Variants in CEP112 observed in about 807,000 individuals in gnomAD.
CEP112 encodes centrosomal protein of 112 kDa.
Under a neutral mutation model 153.0 loss-of-function variants are expected in CEP112, and 127 were observed. The ratio of observed to expected loss-of-function variants is 0.83; its 90% confidence interval spans 0.72 to 0.96. The LOEUF (loss-of-function observed/expected upper bound fraction) is 0.96. Among genes scored for constraint, CEP112 ranks in the 40% least tolerant of loss-of-function variants. CEP112 has a pLI of 0.00. For missense variants in CEP112, 1,089 were observed against 1,101.2 expected (o/e 0.99, Z 0.16); for synonymous variants, 358 against 374.4 (o/e 0.96, Z 0.51).
chr17:65,991,001 C>T (rs952503141), intron 17 of CEP112, among the ~76,000 whole-genome samples: 1 of 152,164 alleles, frequency 6.6e-6, no homozygotes, highest in Admixed American at 6.5e-5. Context: ...CCTGAATAAC[C>T]AACAGCAATA....
intron 16 of CEP112, among the ~76,000 whole-genome samples, chr17:66,019,183 T>C (rs978175380): frequency 6.6e-6 from 1 of 152,208 alleles, no homozygotes; most frequent in Non-Finnish European, 1.5e-5. Context: ...CCTATGCTCC[T>C]GTCCTGCTGC....
chr17:66,189,551 G>A (rs573839358), intron 1 of CEP112, among the ~76,000 whole-genome samples: 1 of 149,974 alleles, frequency 6.7e-6, no homozygotes, highest in African/African-American at 2.4e-5. Context: ...AATTGGAATT[G>A]CTATATTGAC....
intron 24 of CEP112, among the ~76,000 whole-genome samples, chr17:65,682,302 C>G (rs1400872016): frequency 6.6e-6 from 1 of 152,074 alleles, no homozygotes; most frequent in East Asian, 1.9e-4. Flanking sequence ...TGAATTTTTG[C>G]TTTTAAATGC....
intron 18 of CEP112, among the ~76,000 whole-genome samples, chr17:65,947,393 G>A (rs763017922): frequency 1.4e-4 from 22 of 152,180 alleles, no homozygotes; most frequent in Non-Finnish European, 2.1e-4. Context: ...AAAAAATCCC[G>A]TCTGTTGAAT....
chr17:65,647,170 C>G (rs1205436838), intron 24 of CEP112, among the ~76,000 whole-genome samples: 1 of 85,170 alleles, frequency 1.2e-5, no homozygotes, highest in Admixed American at 1.4e-4. Context: ...ACTCTTGATT[C>G]TTGTTTTTTT....
intron 12 of CEP112, among the ~76,000 whole-genome samples, chr17:66,045,158 C>T (rs1479703662): frequency 6.6e-6 from 1 of 152,060 alleles, no homozygotes; most frequent in Non-Finnish European, 1.5e-5. Context: ...GCAGTCTTGG[C>T]TTCCTGGGCT....
intron 21 of CEP112, among the ~76,000 whole-genome samples, chr17:65,794,840 A>G (rs2054813379): frequency 6.6e-6 from 1 of 152,192 alleles, no homozygotes; most frequent in Admixed American, 6.5e-5. Flanking sequence ...GTCACTTCCC[A>G]AGACAACTGC....
intron 17 of CEP112, among the ~76,000 whole-genome samples, chr17:65,968,865 AC>A (rs58885323): frequency 0.48 from 72,972 of 151,920 alleles, 18,515 homozygotes; most frequent in East Asian, 0.89. Context: ...TTATTAACTT[AC>A]CATTTCATAT....
chr17:66,145,087 T>A (rs1056129393), intron 4 of CEP112, among the ~76,000 whole-genome samples: 1 of 152,208 alleles, frequency 6.6e-6, no homozygotes, highest in Non-Finnish European at 1.5e-5. Flanking sequence ...TTTATAATCC[T>A]AAGGGGTATG....
intron 23 of CEP112, among the ~76,000 whole-genome samples, chr17:65,694,239 G>A (rs1055445421): frequency 6.6e-6 from 1 of 152,182 alleles, no homozygotes; most frequent in Non-Finnish European, 1.5e-5. Flanking sequence ...GGCAGAGGAG[G>A]AGATGGAGGC....
At chr17:65,882,097 A>G (rs1395071366) in intron 20 of CEP112, among the ~76,000 whole-genome samples, 2 of 152,230 alleles carry the variant, frequency 1.3e-5, no homozygotes, top group African/African-American at 4.8e-5. Flanking sequence ...ATAAAGGGGG[A>G]AAATTATACT....
At chr17:66,178,150 G>A (rs368365450) in intron 2 of CEP112, among the ~76,000 whole-genome samples, 17 of 152,058 alleles carry the variant, frequency 1.1e-4, no homozygotes, top group Non-Finnish European at 1.9e-4. Context: ...ACTCTTCTCC[G>A]TAGTCACTCC....
intron 20 of CEP112, 98 bp downstream of exon 20, chr17:65,902,054 T>C (rs1303301864): frequency 3.5e-6 from 2 of 575,804 alleles, no homozygotes; most frequent in South Asian, 3.0e-5. Flanking sequence ...TTGCAAATGA[T>C]CAAACAGCGT....
At chr17:65,717,247 T>C (rs545677323) in intron 23 of CEP112, among the ~76,000 whole-genome samples, 97 of 152,314 alleles carry the variant, frequency 6.4e-4, no homozygotes, top group African/African-American at 2.3e-3. Context: ...TCCTTGCCCC[T>C]GGAAACAGCC....
At chr17:65,792,807 T>C (rs1268734553) in intron 21 of CEP112, among the ~76,000 whole-genome samples, 4 of 152,174 alleles carry the variant, frequency 2.6e-5, no homozygotes, top group African/African-American at 9.7e-5. Context: ...AGTCAGAACA[T>C]ATGGCTGGCA....
intron 17 of CEP112, among the ~76,000 whole-genome samples, chr17:65,971,014 GATA>G (rs1568317518): frequency 1.3e-5 from 2 of 152,166 alleles, no homozygotes; most frequent in East Asian, 1.9e-4. Flanking sequence ...TATTTTGGAA[GATA>G]ATTATTGGAA....
At chr17:65,982,006 G>A (rs2063245878) in intron 17 of CEP112, among the ~76,000 whole-genome samples, 1 of 152,008 alleles carries the variant, frequency 6.6e-6, no homozygotes, top group Admixed American at 6.5e-5. Flanking sequence ...ACGATTTATT[G>A]TAACTTTCTG....
At chr17:65,960,287 T>C (rs1265226858) in intron 18 of CEP112, among the ~76,000 whole-genome samples, 1 of 152,114 alleles carries the variant, frequency 6.6e-6, no homozygotes, top group Non-Finnish European at 1.5e-5. Flanking sequence ...AGATACATAA[T>C]ATTAGATATA....
At chr17:65,850,814 A>T (rs1472430234) in intron 21 of CEP112, among the ~76,000 whole-genome samples, 2 of 152,122 alleles carry the variant, frequency 1.3e-5, no homozygotes, top group East Asian at 3.9e-4. Flanking sequence ...TTCCAGACAC[A>T]CCACTTTCCC....
Sources: gnomAD v4.1 joint callset for allele counts (sites outside exome capture counted in the v4.1 genomes callset) on GRCh38, gnomAD v4.1.1 for gene constraint, MANE v1.5 for transcripts, NCBI Gene and HGNC (gene_info 2026-07-23, HGNC 2026-07-21) for gene names.